The following RAB33B variants were observed in gnomAD, a reference collection of about 807,000 sequenced individuals.
RAB33B encodes RAB33B, member RAS oncogene family.
In RAB33B, 6 loss-of-function variants were observed where a neutral mutation model predicts 15.0. That is an observed-to-expected ratio of 0.40 (90% CI 0.22 to 0.79). The LOEUF is 0.79. Ranked by LOEUF, RAB33B falls within the 30% of genes least tolerant of loss-of-function variation. The pLI, the probability that RAB33B is intolerant of heterozygous loss-of-function variation, is 0.37. For missense variants in RAB33B, 257 were observed against 296.4 expected, an observed-to-expected ratio of 0.87 and a Z score of 0.98; for synonymous variants, 117 against 108.3, an observed-to-expected ratio of 1.08 and a Z score of -0.50.
chr4:139,471,791 A>G (rs1750397793), intron 1 of RAB33B, among the ~76,000 whole-genome samples: 1 of 152,222 alleles, frequency 6.6e-6, no homozygotes, highest in South Asian at 2.1e-4. Context: ...TACTTTAGGT[A>G]TCGTATCTTA....
intron 1 of RAB33B, among the ~76,000 whole-genome samples, chr4:139,462,295 C>T (rs900003773): frequency 6.6e-6 from 1 of 152,018 alleles, no homozygotes; most frequent in Non-Finnish European, 1.5e-5. Context: ...CCTCATGATC[C>T]GCCTGCCTCG....
At chr4:139,447,646 A>G in the RAB33B span, among the ~76,000 whole-genome samples, 5 of 149,214 alleles carry the variant, frequency 3.4e-5, no homozygotes, top group Admixed American at 3.3e-4. Context: ...TCAAGATGAA[A>G]TCAGTCTACT....
chr4:139,445,633 C>T, the RAB33B span, among the ~76,000 whole-genome samples: 1 of 152,190 alleles, frequency 6.6e-6, no homozygotes, highest in African/African-American at 2.4e-5. Flanking sequence ...GCAACACATT[C>T]CTCATTTCGG....
chr4:139,456,748 TAC>T (rs1401811153), intron 1 of RAB33B, among the ~76,000 whole-genome samples: 2 of 152,372 alleles, frequency 1.3e-5, no homozygotes, highest in Middle Eastern at 3.4e-3. Flanking sequence ...TTGAAATGAC[TAC>T]AGACATGTTC....
At chr4:139,456,816 A>T (rs1750079319) in intron 1 of RAB33B, among the ~76,000 whole-genome samples, 1 of 152,232 alleles carries the variant, frequency 6.6e-6, no homozygotes, top group Non-Finnish European at 1.5e-5. Context: ...TTAAAACCAC[A>T]GAGCTTAATT....
chr4:139,441,853 C>A, the RAB33B span, among the ~76,000 whole-genome samples: 3 of 152,176 alleles, frequency 2.0e-5, no homozygotes, highest in Non-Finnish European at 4.4e-5. Flanking sequence ...AGACAGATTT[C>A]TGGTGCTTCC....
intron 1 of RAB33B, among the ~76,000 whole-genome samples, chr4:139,458,561 G>A (rs1455183807): frequency 5.9e-5 from 9 of 152,160 alleles, no homozygotes; most frequent in Admixed American, 5.9e-4. Context: ...AATAGCCTCC[G>A]GCTCCATGTT....
At chr4:139,453,737 CGA>C (rs1305047095), upstream of RAB33B, 5 of 153,370 alleles carry the variant, frequency 3.3e-5, no homozygotes, top group African/African-American at 7.2e-5. Context: ...GGCCCTCTCG[CGA>C]GAGAGTGCCC....
chr4:139,471,034 C>T (rs2111085864), intron 1 of RAB33B, among the ~76,000 whole-genome samples: 1 of 152,302 alleles, frequency 6.6e-6, no homozygotes, highest in East Asian at 1.9e-4. Flanking sequence ...GGCAGCACTC[C>T]CTTGGCTGTC....
intron 1 of RAB33B, among the ~76,000 whole-genome samples, chr4:139,462,127 C>T (rs1750184393): frequency 1.4e-5 from 2 of 147,458 alleles, no homozygotes; most frequent in South Asian, 4.3e-4. Context: ...AATCTGGGCT[C>T]ACTGCAAGCT....
the RAB33B span, among the ~76,000 whole-genome samples, chr4:139,438,406 A>G: frequency 6.0e-4 from 91 of 152,320 alleles, no homozygotes; most frequent in African/African-American, 2.1e-3. Flanking sequence ...AGATTAAGAA[A>G]ACAACCAGAC....
At chr4:139,451,585 A>T (rs1041042920), upstream of RAB33B, 1 of 152,184 alleles carries the variant, frequency 6.6e-6, no homozygotes, top group African/African-American at 2.4e-5. Flanking sequence ...CATGTTGGCC[A>T]GGCTGGTCTC....
At chr4:139,445,810 A>AG in the RAB33B span, among the ~76,000 whole-genome samples, 1 of 152,196 alleles carries the variant, frequency 6.6e-6, no homozygotes, top group African/African-American at 2.4e-5. Flanking sequence ...TGACACCTCA[A>AG]GGGATGCTGT....
chr4:139,444,701 C>T, the RAB33B span, among the ~76,000 whole-genome samples: 1 of 152,148 alleles, frequency 6.6e-6, no homozygotes, highest in African/African-American at 2.4e-5. Flanking sequence ...GAAGTTTTAG[C>T]TCAGGTCCAA....
rs375211226 is a variant in RAB33B at position 139,454,222 on chromosome 4, C to T, written c.27C>T (p.Leu9=). The T allele has an allele frequency of 1.2e-6, 2 of 1,613,504 alleles. No homozygotes were observed. The highest frequency in any genetic ancestry group is 3.3e-5 in the Admixed American group (2 of 59,966). Residue 9 remains leucine, a synonymous_variant, in exon 1 of 2, where the codon CTC becomes CTT. Transcript: ENST00000305626. ...TGGCTGAGGAGATGGAGTCGTCGCT[C>T]GAGGCAAGCTTTTCGTCCAGCGGGG... The part of the protein sequence containing the change: MAEEMESS[L]EASFSSSGAV...
intron 1 of RAB33B, among the ~76,000 whole-genome samples, chr4:139,455,504 C>G (rs759650525): frequency 6.6e-5 from 10 of 152,104 alleles, no homozygotes; most frequent in Non-Finnish European, 1.5e-4. Flanking sequence ...CGCCCCCCAC[C>G]CCAACGGGTT....
chr4:139,444,315 A>G, the RAB33B span, among the ~76,000 whole-genome samples: 2 of 152,154 alleles, frequency 1.3e-5, no homozygotes, highest in African/African-American at 4.8e-5. Flanking sequence ...TCTCAATTTA[A>G]TGTAGAGGAA....
chr4:139,447,211 A>G, the RAB33B span, among the ~76,000 whole-genome samples: 1 of 152,196 alleles, frequency 6.6e-6, no homozygotes, highest in Non-Finnish European at 1.5e-5. Context: ...AGCTGGAATG[A>G]TAGAACGGAA....
intron 1 of RAB33B, among the ~76,000 whole-genome samples, chr4:139,465,581 G>T (rs1750268084): frequency 6.6e-6 from 1 of 152,058 alleles, no homozygotes; most frequent in African/African-American, 2.4e-5. Flanking sequence ...GTGTAAGGAA[G>T]GGATCCAGTT....
Sources: gnomAD v4.1 joint callset for allele counts (sites outside exome capture counted in the v4.1 genomes callset) on GRCh38, gnomAD v4.1.1 for gene constraint, MANE v1.5 for transcripts, NCBI Gene and HGNC (gene_info 2026-07-23, HGNC 2026-07-21) for gene names.